Variants in SCNN1G observed in about 807,000 individuals in gnomAD.
The protein encoded by SCNN1G is sodium channel epithelial 1 subunit gamma, also known as epithelial sodium channel subunit gamma.
SCNN1G carries 27 observed loss-of-function variants against 64.6 expected under a neutral mutation model. The observed-to-expected ratio is 0.42, with a 90% CI of 0.31 to 0.58. SCNN1G has a LOEUF of 0.58. Ranked by LOEUF, SCNN1G falls within the 20% of genes least tolerant of loss-of-function variation. The pLI is 0.18. For missense variants in SCNN1G, 743 were observed against 823.4 expected, an observed-to-expected ratio of 0.90 and a Z score of 1.19; for synonymous variants, 330 against 314.2, an observed-to-expected ratio of 1.05 and a Z score of -0.53.
intron 6 of SCNN1G, among the ~76,000 whole-genome samples, chr16:23,204,308 TATATATATATATATATATATATATATAG>T (rs1187569092): frequency 1.7e-4 from 12 of 70,750 alleles, no homozygotes; most frequent in Non-Finnish European, 3.1e-4. Flanking sequence ...TATATATATA[TATATATATATATATATATATATATATAG>T]AGAGAGAGAG....
intron 6 of SCNN1G, among the ~76,000 whole-genome samples, chr16:23,200,708 G>C (rs2090237175): frequency 6.6e-6 from 1 of 152,238 alleles, no homozygotes; most frequent in Non-Finnish European, 1.5e-5. Flanking sequence ...CTGCTATGAA[G>C]AAGAAATGTA....
chr16:23,207,936 T>C (rs1346772185), intron 6 of SCNN1G, among the ~76,000 whole-genome samples: 1 of 152,090 alleles, frequency 6.6e-6, no homozygotes. Context: ...CTCCCACAAA[T>C]CTGCCATTCT....
At chr16:23,208,271 C>T (rs1481061806) in intron 6 of SCNN1G, among the ~76,000 whole-genome samples, 27 of 151,996 alleles carry the variant, frequency 1.8e-4, no homozygotes, top group Admixed American at 1.8e-3. Flanking sequence ...CCATTGAGCC[C>T]GGGAGGTAGA....
intron 5 of SCNN1G, among the ~76,000 whole-genome samples, chr16:23,195,490 G>A (rs1959781114): frequency 6.6e-6 from 1 of 152,200 alleles, no homozygotes; most frequent in Admixed American, 6.5e-5. Context: ...ACCAGGACAA[G>A]GGAGGGCCTG....
At chr16:23,188,565 G>A (rs968243074) in intron 2 of SCNN1G, among the ~76,000 whole-genome samples, 2 of 152,114 alleles carry the variant, frequency 1.3e-5, no homozygotes, top group African/African-American at 4.8e-5. Flanking sequence ...ATGTCTGTGT[G>A]TGTTTATTAT....
In SCNN1G at chr16:23,197,242, G is replaced by A. The variant is rs778723823; in HGVS notation, c.914-22G>A. 13 of 1,609,458 alleles carry A rather than the reference G, an allele frequency of 8.1e-6. No homozygotes were observed. In the South Asian group the frequency reaches 1.4e-4, roughly 18 times the overall value. ...AATGTTTTCCTAGCCTTGGATCACA[G>A]CAGGTTGTCTTATCCTCCCAGGGCT... On this transcript the variant is annotated intron_variant, in intron 5 of 12. Coordinates refer to ENST00000300061, the MANE Select transcript of SCNN1G (RefSeq NM_001039.4).
intron 6 of SCNN1G, among the ~76,000 whole-genome samples, chr16:23,204,184 C>A (rs936597647): frequency 1.3e-5 from 2 of 149,732 alleles, no homozygotes; most frequent in African/African-American, 2.5e-5. Context: ...GAGGCTCATG[C>A]GGGAGGATCA....
chr16:23,189,674 A>G lies in SCNN1G; in HGVS notation c.618+3A>G, dbSNP rs1224102150. ...AGCAAGTGGTGGGATTCCAACTGGT[A>G]AGATTTCACCTTCTCATTCTTTCAC... On this transcript the variant is annotated splice_donor_region_variant and intron_variant, in intron 3 of 12. Transcript: ENST00000300061. 4 of 1,613,862 alleles carry G rather than the reference A, an allele frequency of 2.5e-6. No individual in the cohort carries two copies. In the Admixed American group the frequency reaches 5.0e-5, roughly 20 times the overall value.
chr16:23,208,489 C>G (rs1336416284), intron 6 of SCNN1G, among the ~76,000 whole-genome samples: 3 of 152,126 alleles, frequency 2.0e-5, no homozygotes, highest in Non-Finnish European at 2.9e-5. Context: ...CAACATCCTT[C>G]AAGTCAACTT....
At position 23,215,419 on chromosome 16, in the gene SCNN1G, A is replaced by C. The variant is rs1394995613; in HGVS notation, c.1900A>C (p.Arg634=). Residue 634 remains arginine (R), a synonymous_variant, in exon 13 of 13, where the codon AGG becomes CGG. Coordinates refer to ENST00000300061, the MANE Select transcript of SCNN1G (RefSeq NM_001039.4). ...CAAATACAATACCTTGCGCTTGGAG[A>C]GGGCCTTTTCCAACCAGCTCACAGA... ...PPKYNTLRLE[R]AFSNQLTDTQ... 7 of 1,613,542 alleles carry C rather than the reference A, an allele frequency of 4.3e-6. No individual in the cohort carries two copies. The highest frequency in any genetic ancestry group is 5.9e-6 in the Non-Finnish European group (7 of 1,180,008).
chr16:23,183,945 A>T (rs980477884), intron 1 of SCNN1G, among the ~76,000 whole-genome samples: 1 of 152,142 alleles, frequency 6.6e-6, no homozygotes, highest in African/African-American at 2.4e-5. Context: ...TTTCATTTGT[A>T]CAATGGAGGT....
intron 11 of SCNN1G, 58 bp downstream of exon 11, chr16:23,213,221 A>C: frequency 1.3e-5 from 16 of 1,215,442 alleles, no homozygotes; most frequent in Non-Finnish European, 1.8e-5. Context: ...CAGCCTTCTC[A>C]CTTGCTTCTG....
rs528336880 is a variant in SCNN1G, at chr16:23,189,489, G to A, written c.436G>A (p.Val146Ile). The A allele has an allele frequency of 3.2e-5, 52 of 1,614,198 alleles. No individual in the cohort carries two copies. Among genetic ancestry groups the A allele is most frequent in the Middle Eastern group, 3.3e-4 (2 of 6,062 alleles). ...CCGAGAGGCGGAGTCCTGGAACTCC[G>A]TCTCAGAGGGAAAGCAGCCTAGATT... The part of the protein sequence containing the change: ...KRREAESWNS[V>I]SEGKQPRFSH... The change falls in exon 3 of 13, where the codon GTC (valine) becomes ATC (isoleucine). Residue 146 changes from valine to isoleucine, a missense_variant. By Grantham distance (29) the Val-to-Ile change is conservative. Transcript: ENST00000300061.
intron 6 of SCNN1G, 97 bp downstream of exon 6, chr16:23,197,524 G>C: frequency 9.2e-7 from 1 of 1,089,780 alleles, no homozygotes; most frequent in Non-Finnish European, 1.4e-6. Context: ...AAGGGTGTTT[G>C]TTTCAAAAGG....
At chr16:23,204,892 C>T (rs948137732) in intron 6 of SCNN1G, among the ~76,000 whole-genome samples, 9 of 152,146 alleles carry the variant, frequency 5.9e-5, no homozygotes, top group Admixed American at 2.6e-4. Flanking sequence ...AGCTTACTGC[C>T]GCTCTGACCT....
chr16:23,195,699 C>T (rs942396524), intron 5 of SCNN1G, among the ~76,000 whole-genome samples: 1 of 152,228 alleles, frequency 6.6e-6, no homozygotes, highest in Non-Finnish European at 1.5e-5. Context: ...CTTCCCCTCT[C>T]TGGGCTTTGT....
intron 1 of SCNN1G, among the ~76,000 whole-genome samples, chr16:23,184,230 G>C (rs1187019339): frequency 6.6e-6 from 1 of 152,126 alleles, no homozygotes; most frequent in Non-Finnish European, 1.5e-5. Context: ...TGATCCATTG[G>C]GGTCAAGGTC....
At chr16:23,197,903 T>C (rs1309297838) in intron 6 of SCNN1G, among the ~76,000 whole-genome samples, 2 of 151,388 alleles carry the variant, frequency 1.3e-5, no homozygotes, top group Non-Finnish European at 2.9e-5. Context: ...GTTGTATTTG[T>C]ATGGATTAAT....
chr16:23,212,095 G>C lies in SCNN1G; in HGVS notation c.1238G>C (p.Ser413Thr). Residue 413 changes from serine to threonine, a missense_variant, in exon 8 of 13, where the codon AGC (serine) becomes ACC (threonine). Coordinates refer to ENST00000300061, the MANE Select transcript of SCNN1G (RefSeq NM_001039.4). ...GAGAAATGTGGGTGTGCCCAGTACA[G>C]CCAGCCTCTACCTCCTGCAGCCAAC... The part of the protein sequence containing the change: ...MVEKCGCAQY[S>T]QPLPPAANYC... 6.2e-7 allele frequency: 1 copy of C among 1,614,062 alleles called. No individual in the cohort carries two copies. The highest frequency in any genetic ancestry group is 1.3e-5 in the African/African-American group (1 of 75,046).
Sources: gnomAD v4.1 joint callset for allele counts (sites outside exome capture counted in the v4.1 genomes callset) on GRCh38, gnomAD v4.1.1 for gene constraint, MANE v1.5 for transcripts, NCBI Gene and HGNC (gene_info 2026-07-23, HGNC 2026-07-21) for gene names.